EYA2: variants seen among roughly 807,000 people sequenced by gnomAD.
EYA2 encodes protein phosphatase EYA2.
In EYA2, 31 loss-of-function variants were observed where a neutral mutation model predicts 69.2. The observed-to-expected ratio is 0.45, with a 90% CI of 0.34 to 0.60. EYA2 has a LOEUF of 0.60. EYA2 is among the 20% of genes least tolerant of loss of function. EYA2 has a pLI of 0.02. For missense variants in EYA2, 622 were observed against 701.2 expected (o/e 0.89, Z 1.28); for synonymous variants, 257 against 279.4 (o/e 0.92, Z 0.80).
At chr20:47,020,934 G>T (rs1983710848) in intron 5 of EYA2, among the ~76,000 whole-genome samples, 2 of 152,168 alleles carry the variant, frequency 1.3e-5, no homozygotes, top group African/African-American at 4.8e-5. Context: ...CTGAAGTCAG[G>T]TTGAGTTAAC....
chr20:47,160,249 G>A (rs556719030), intron 10 of EYA2, among the ~76,000 whole-genome samples: 2 of 152,282 alleles, frequency 1.3e-5, no homozygotes, highest in South Asian at 4.1e-4. Context: ...ACAAACTTCT[G>A]TAAAGGACCA....
intron 9 of EYA2, among the ~76,000 whole-genome samples, chr20:47,120,016 G>C (rs1053807003): frequency 1.3e-5 from 2 of 152,164 alleles, no homozygotes; most frequent in South Asian, 2.1e-4. Flanking sequence ...AGACCAGCCT[G>C]GCCAACATGG....
intron 4 of EYA2, among the ~76,000 whole-genome samples, chr20:47,014,246 C>T (rs1397047753): frequency 6.6e-6 from 1 of 152,132 alleles, no homozygotes; most frequent in Non-Finnish European, 1.5e-5. Context: ...GACTCCAGCC[C>T]AGATTTCCTG....
chr20:46,910,785 T>C (rs1984606385), intron 1 of EYA2, among the ~76,000 whole-genome samples: 1 of 152,200 alleles, frequency 6.6e-6, no homozygotes, highest in Non-Finnish European at 1.5e-5. Context: ...GGTCTGCAGA[T>C]CATTTAAAAA....
intron 5 of EYA2, among the ~76,000 whole-genome samples, chr20:47,043,096 C>T (rs1220445879): frequency 6.6e-6 from 1 of 152,138 alleles, no homozygotes; most frequent in Non-Finnish European, 1.5e-5. Context: ...AGACCCCTTC[C>T]AGCTCTATAG....
chr20:47,143,375 G>A (rs1279041847), intron 10 of EYA2, among the ~76,000 whole-genome samples: 1 of 152,100 alleles, frequency 6.6e-6, no homozygotes, highest in Non-Finnish European at 1.5e-5. Context: ...GCTTTCCTGT[G>A]CAGTTAACGG....
intron 1 of EYA2, among the ~76,000 whole-genome samples, chr20:46,898,659 C>T (rs1341580787): frequency 2.0e-5 from 3 of 152,212 alleles, no homozygotes; most frequent in Non-Finnish European, 4.4e-5. Context: ...GTTTGACTAA[C>T]ACCCTTTTCT....
chr20:47,078,003 C>T (rs796463872), intron 7 of EYA2, among the ~76,000 whole-genome samples: 5 of 152,334 alleles, frequency 3.3e-5, no homozygotes, highest in African/African-American at 1.2e-4. Context: ...CAATGGTGAA[C>T]TGAATGGCAA....
rs142342793 is a variant in EYA2, at chr20:47,122,649, T to C, written c.889-20410T>C. On this transcript the variant is annotated intron_variant, in intron 9 of 15. Coordinates refer to ENST00000327619, the MANE Select transcript of EYA2 (RefSeq NM_005244.5). ...TCCTTGAGGCAAGGGACTTTCAATA[T>C]CTGAGAGCAAGGAGACAGCATTGCA... Among the ~76,000 whole-genome samples the C allele has an allele frequency of 4.1e-3, 626 of 152,194 alleles. 3 individuals carry two copies. The highest frequency in any genetic ancestry group is 0.015 in the African/African-American group (611 of 41,522).
At chr20:46,946,838 A>G (rs1428772240) in intron 1 of EYA2, among the ~76,000 whole-genome samples, 1 of 133,442 alleles carries the variant, frequency 7.5e-6, no homozygotes, top group Non-Finnish European at 1.5e-5. Flanking sequence ...TAGTTCTTCC[A>G]TAGATCTAAA....
At chr20:46,972,982 C>T (rs560055842) in intron 1 of EYA2, among the ~76,000 whole-genome samples, 5 of 152,296 alleles carry the variant, frequency 3.3e-5, no homozygotes, top group African/African-American at 1.2e-4. Flanking sequence ...ATTCAGGCCA[C>T]AAACATTAGT....
intron 13 of EYA2, among the ~76,000 whole-genome samples, 182 bp downstream of exon 13, chr20:47,180,094 G>A (rs147277560): frequency 1.0e-3 from 156 of 152,170 alleles, no homozygotes; most frequent in African/African-American, 3.3e-3. Flanking sequence ...GTGCAGTAGC[G>A]TGATCTCGGC....
At chr20:47,057,647 A>T (rs763322977) in intron 5 of EYA2, among the ~76,000 whole-genome samples, 3 of 152,098 alleles carry the variant, frequency 2.0e-5, no homozygotes, top group Non-Finnish European at 4.4e-5. Context: ...TCACTGTGGA[A>T]CCAGTACAGA....
In EYA2 at chr20:47,016,272, G is replaced by A; in HGVS notation, c.390G>A (p.Gln130=). 1 of 1,614,154 alleles carries A rather than the reference G, an allele frequency of 6.2e-7. No individual in the cohort carries two copies. The highest frequency in any genetic ancestry group is 1.1e-5 in the South Asian group (1 of 91,084). The change falls in exon 5 of 16, where the codon CAG becomes CAA. Residue 130 remains glutamine, a synonymous_variant. Coordinates refer to ENST00000327619, the MANE Select transcript of EYA2 (RefSeq NM_005244.5). ...GSSFSTSPTG[Q]SPYTYQMHGT... is the part of the protein sequence containing the mutation. The stretch of plus-strand genomic sequence containing the variant: ...GCTTCAGCACCTCACCCACTGGACA[G>A]AGCCCATACACCTACCAGATGCACG...
chr20:46,921,657 G>T (rs1985184541), intron 1 of EYA2, among the ~76,000 whole-genome samples: 1 of 152,146 alleles, frequency 6.6e-6, no homozygotes, highest in African/African-American at 2.4e-5. Flanking sequence ...TCTCTGGGTT[G>T]CTAAACTCAT....
At position 47,168,253 on chromosome 20, in the gene EYA2, G is replaced by A. The variant is rs746843558; in HGVS notation, c.979-886G>A. Among the ~76,000 whole-genome samples the A allele has an allele frequency of 1.9e-3, 289 of 151,978 alleles. 3 individuals are homozygous for A. Among genetic ancestry groups the A allele is most frequent in the Non-Finnish European group, 7.2e-4 (49 of 67,988 alleles). On this transcript the variant is annotated intron_variant, in intron 10 of 15. Coordinates refer to ENST00000327619, the MANE Select transcript of EYA2 (RefSeq NM_005244.5). ...GTCATGCAGGCTGGAGCACAGTGGC[G>A]CGATCTCGGCTCACTACAACCTCCA...
At chr20:46,906,395 C>T in intron 1 of EYA2, among the ~76,000 whole-genome samples, 1 of 152,222 alleles carries the variant, frequency 6.6e-6, no homozygotes, top group East Asian at 1.9e-4. Context: ...AATTGCAATG[C>T]TGTGCTGCTT....
intron 14 of EYA2, among the ~76,000 whole-genome samples, chr20:47,182,637 A>AAAAAAAAAAAAAAT (rs1473510081): frequency 6.9e-6 from 1 of 145,340 alleles, no homozygotes; most frequent in Non-Finnish European, 1.5e-5. Context: ...CTAAAAAAAA[A>AAAAAAAAAAAAAAT]AAAAAAAGGT....
intron 9 of EYA2, among the ~76,000 whole-genome samples, chr20:47,105,556 C>T (rs897223819): frequency 4.2e-5 from 6 of 144,484 alleles, no homozygotes; most frequent in Admixed American, 2.9e-4. Context: ...ACCTGGGAGG[C>T]GGAGGTTGCA....
Sources: gnomAD v4.1 joint callset for allele counts (sites outside exome capture counted in the v4.1 genomes callset) on GRCh38, gnomAD v4.1.1 for gene constraint, MANE v1.5 for transcripts, NCBI Gene and HGNC (gene_info 2026-07-23, HGNC 2026-07-21) for gene names.